The following SMYD3 variants were observed in gnomAD, a reference collection of about 807,000 sequenced individuals.
The protein encoded by SMYD3 is histone-lysine N-methyltransferase SMYD3.
In SMYD3, 36 loss-of-function variants were observed where a neutral mutation model predicts 57.7. That is an observed-to-expected ratio of 0.62 (90% CI 0.48 to 0.82). The LOEUF is 0.82. Ranked by LOEUF, SMYD3 falls within the 40% of genes least tolerant of loss-of-function variation. The pLI, the probability that SMYD3 is intolerant of heterozygous loss-of-function variation, is 0.00. For missense variants in SMYD3, 515 were observed against 538.8 expected, an observed-to-expected ratio of 0.96 and a Z score of 0.44; for synonymous variants, 211 against 195.0, an observed-to-expected ratio of 1.08 and a Z score of -0.68.
At position 246,180,524 on chromosome 1, in the gene SMYD3, G is replaced by A. The variant is rs186170579; in HGVS notation, c.531+146677C>T. ...TGTAATCCCAGCACTTTAGGAGGCC[G>A]AGGCAGGTGGATCATGAAGTCAGGA... On this transcript the variant is annotated intron_variant, in intron 5 of 11. Transcript: ENST00000490107. 1.5e-4 allele frequency among the ~76,000 whole-genome samples: 23 copies of A among 150,380 alleles called. No individual in the cohort carries two copies. In the East Asian group the frequency reaches 2.7e-3, roughly 18 times the overall value.
intron 10 of SMYD3, among the ~76,000 whole-genome samples, chr1:245,776,078 C>T (rs977034050): frequency 6.6e-6 from 1 of 152,190 alleles, no homozygotes; most frequent in Non-Finnish European, 1.5e-5. Context: ...GTTTTAAAGC[C>T]TCTCTACATC....
intron 8 of SMYD3, among the ~76,000 whole-genome samples, chr1:245,903,905 G>C (rs572810546): frequency 5.3e-5 from 8 of 152,290 alleles, no homozygotes; most frequent in African/African-American, 1.9e-4. Context: ...GATGGGAGGG[G>C]CTGCTGTGAA....
At chr1:245,987,059 T>C (rs1228664092) in intron 5 of SMYD3, among the ~76,000 whole-genome samples, 1 of 152,206 alleles carries the variant, frequency 6.6e-6, no homozygotes, top group African/African-American at 2.4e-5. Flanking sequence ...GACAGATCCA[T>C]GCGAGATAAA....
chr1:246,414,382 A>C (rs2067023686), intron 1 of SMYD3, among the ~76,000 whole-genome samples: 1 of 152,222 alleles, frequency 6.6e-6, no homozygotes. Flanking sequence ...AAAGCCCTGA[A>C]GCAAGCATTG....
chr1:246,056,153 T>C (rs2060147615), intron 5 of SMYD3, among the ~76,000 whole-genome samples: 1 of 152,004 alleles, frequency 6.6e-6, no homozygotes, highest in African/African-American at 2.4e-5. Context: ...ATTCATCCAA[T>C]TAAATAGATT....
chr1:245,756,327 C>T (rs1435370286), intron 11 of SMYD3, among the ~76,000 whole-genome samples: 1 of 151,650 alleles, frequency 6.6e-6, no homozygotes, highest in Non-Finnish European at 1.5e-5. Flanking sequence ...AATATTTCTA[C>T]TACATACATT....
At chr1:245,927,614 G>T (rs2056462478) in intron 7 of SMYD3, among the ~76,000 whole-genome samples, 1 of 152,154 alleles carries the variant, frequency 6.6e-6, no homozygotes, top group Non-Finnish European at 1.5e-5. Context: ...CCACTGAGGA[G>T]ATTTCATGAA....
chr1:246,097,295 G>A (rs1271478251), intron 5 of SMYD3, among the ~76,000 whole-genome samples: 1 of 152,056 alleles, frequency 6.6e-6, no homozygotes, highest in East Asian at 1.9e-4. Context: ...TACAAACTAT[G>A]CTGATTCCCT....
chr1:246,263,270 T>C (rs1438794838), intron 5 of SMYD3, among the ~76,000 whole-genome samples: 1 of 152,204 alleles, frequency 6.6e-6, no homozygotes, highest in Non-Finnish European at 1.5e-5. Flanking sequence ...TTCTGTACTA[T>C]AAAATACAGA....
At chr1:246,334,027 C>A (rs571269475) in intron 3 of SMYD3, among the ~76,000 whole-genome samples, 2 of 152,026 alleles carry the variant, frequency 1.3e-5, no homozygotes, top group East Asian at 3.9e-4. Flanking sequence ...CAATGAGACA[C>A]CATCTCATAA....
intron 5 of SMYD3, among the ~76,000 whole-genome samples, chr1:246,086,532 G>C (rs1228582290): frequency 6.7e-6 from 1 of 148,748 alleles, no homozygotes; most frequent in Middle Eastern, 3.2e-3. Context: ...TCACTTATTA[G>C]ATTTATTACT....
chr1:245,874,496 T>C (rs918121307), intron 8 of SMYD3, among the ~76,000 whole-genome samples: 1 of 152,208 alleles, frequency 6.6e-6, no homozygotes, highest in Non-Finnish European at 1.5e-5. Flanking sequence ...TGATTTATTT[T>C]GACATTAGAA....
chr1:246,077,254 T>C (rs1268189562), intron 5 of SMYD3, among the ~76,000 whole-genome samples: 1 of 152,078 alleles, frequency 6.6e-6, no homozygotes, highest in Non-Finnish European at 1.5e-5. Flanking sequence ...AATTGTGGAG[T>C]GACATTTTTC....
At chr1:246,264,594 T>C (rs927016629) in intron 5 of SMYD3, among the ~76,000 whole-genome samples, 6 of 152,242 alleles carry the variant, frequency 3.9e-5, no homozygotes, top group African/African-American at 1.4e-4. Context: ...TGTAATCCCA[T>C]GGCCTCTAAT....
chr1:246,495,315 C>G (rs1285781008), intron 1 of SMYD3, among the ~76,000 whole-genome samples: 1 of 137,764 alleles, frequency 7.3e-6, no homozygotes, highest in African/African-American at 2.7e-5. Flanking sequence ...TGCCACTGCA[C>G]TCCAGCCTGG....
At chr1:245,916,757 T>C (rs1003820612) in intron 7 of SMYD3, among the ~76,000 whole-genome samples, 11 of 152,240 alleles carry the variant, frequency 7.2e-5, no homozygotes, top group East Asian at 3.9e-4. Context: ...CCCCCTGCAC[T>C]CCACCCTCTA....
At chr1:246,413,815 A>T (rs2067015442) in intron 1 of SMYD3, among the ~76,000 whole-genome samples, 1 of 152,204 alleles carries the variant, frequency 6.6e-6, no homozygotes, top group South Asian at 2.1e-4. Context: ...GAAACCTCTT[A>T]TCTTTATAAA....
At chr1:246,226,247 G>C (rs934387876) in intron 5 of SMYD3, among the ~76,000 whole-genome samples, 2 of 152,148 alleles carry the variant, frequency 1.3e-5, no homozygotes, top group African/African-American at 4.8e-5. Flanking sequence ...TACTGATACC[G>C]AATTTCTAAA....
chr1:245,939,325 C>T (rs1163879961), intron 5 of SMYD3, among the ~76,000 whole-genome samples: 1 of 152,042 alleles, frequency 6.6e-6, no homozygotes, highest in Non-Finnish European at 1.5e-5. Flanking sequence ...ATAGAAGTAT[C>T]GGTTTAAAAA....
Sources: gnomAD v4.1 joint callset for allele counts (sites outside exome capture counted in the v4.1 genomes callset) on GRCh38, gnomAD v4.1.1 for gene constraint, MANE v1.5 for transcripts, NCBI Gene and HGNC (gene_info 2026-07-23, HGNC 2026-07-21) for gene names.